Variants in NRG3 observed in about 807,000 individuals in gnomAD.
The protein encoded by NRG3 is pro-neuregulin-3, membrane-bound isoform.
NRG3 carries 31 observed loss-of-function variants against 66.9 expected under a neutral mutation model. The ratio of observed to expected loss-of-function variants is 0.46; its 90% CI spans 0.35 to 0.63. NRG3 has a LOEUF of 0.63. Ranked by LOEUF, NRG3 falls within the 20% of genes least tolerant of loss-of-function variation. The pLI is 0.00. For synonymous variants in NRG3, 393 were observed against 359.4 expected (o/e 1.09, Z -1.06); for missense variants, 910 against 878.9 (o/e 1.04, Z -0.45).
intron 1 of NRG3, among the ~76,000 whole-genome samples, chr10:82,254,505 T>G (rs1009418785): frequency 1.3e-5 from 2 of 152,302 alleles, no homozygotes; most frequent in African/African-American, 4.8e-5. Context: ...CAGAGCTTGG[T>G]TTGTAATACC....
chr10:82,091,389 T>C (rs2066019124), intron 1 of NRG3, among the ~76,000 whole-genome samples: 1 of 152,178 alleles, frequency 6.6e-6, no homozygotes, highest in South Asian at 2.1e-4. Flanking sequence ...TTTGCCTGTT[T>C]TAGGTAGCTC....
At chr10:82,129,816 C>T (rs1195480835) in intron 1 of NRG3, among the ~76,000 whole-genome samples, 1 of 152,142 alleles carries the variant, frequency 6.6e-6, no homozygotes, top group African/African-American at 2.4e-5. Context: ...CCACCTCTGC[C>T]TCCCAAAGTG....
intron 1 of NRG3, among the ~76,000 whole-genome samples, chr10:82,056,557 A>C (rs1000634967): frequency 3.3e-5 from 5 of 152,204 alleles, no homozygotes; most frequent in African/African-American, 1.2e-4. Flanking sequence ...TTTAAATCTG[A>C]GAATTTTGAC....
intron 1 of NRG3, among the ~76,000 whole-genome samples, chr10:82,188,710 C>T (rs1234737012): frequency 6.6e-6 from 1 of 152,062 alleles, no homozygotes; most frequent in African/African-American, 2.4e-5. Context: ...AGGTGCTCAA[C>T]ATCATTGATC....
intron 1 of NRG3, among the ~76,000 whole-genome samples, chr10:82,346,459 C>T (rs867045185): frequency 0.027 from 3,890 of 144,160 alleles, 90 homozygotes; most frequent in African/African-American, 0.063. Context: ...CTGCTGGATT[C>T]GGTTTGCCAG....
intron 2 of NRG3, among the ~76,000 whole-genome samples, chr10:82,490,294 C>T (rs1842988554): frequency 6.6e-6 from 1 of 152,078 alleles, no homozygotes; most frequent in Non-Finnish European, 1.5e-5. Flanking sequence ...GATTGCTTTT[C>T]CCCTCTCATG....
At chr10:82,840,351 T>G (rs1028463373) in intron 3 of NRG3, among the ~76,000 whole-genome samples, 7 of 152,150 alleles carry the variant, frequency 4.6e-5, no homozygotes, top group African/African-American at 1.7e-4. Flanking sequence ...ATCTTGATCC[T>G]TTTTCTCCTA....
chr10:82,542,892 ATCT>A (rs2043637504), intron 2 of NRG3, among the ~76,000 whole-genome samples: 3 of 133,572 alleles, frequency 2.2e-5, no homozygotes, highest in African/African-American at 9.7e-5. Flanking sequence ...CTTCATTTAG[ATCT>A]TTTTTTTTTT....
intron 1 of NRG3, among the ~76,000 whole-genome samples, chr10:81,992,186 TA>T (rs1199048172): frequency 1.3e-5 from 2 of 152,118 alleles, no homozygotes; most frequent in East Asian, 1.9e-4. Context: ...AATAATAGTT[TA>T]AAAAATAAAA....
At chr10:82,315,522 T>A (rs1244019591) in intron 1 of NRG3, among the ~76,000 whole-genome samples, 1 of 152,174 alleles carries the variant, frequency 6.6e-6, no homozygotes, top group Non-Finnish European at 1.5e-5. Context: ...CAGTGGCTGC[T>A]CCTGTGTGAA....
chr10:82,967,158 T>C (rs1851290601), intron 6 of NRG3, among the ~76,000 whole-genome samples: 2 of 148,752 alleles, frequency 1.3e-5, no homozygotes, highest in South Asian at 4.2e-4. Context: ...TATATGTATA[T>C]TTTTAAATAA....
In NRG3 at chr10:82,042,675, A is replaced by G. The variant is rs184610383; in HGVS notation, c.823+166512A>G. On this transcript the variant is annotated intron_variant, in intron 1 of 8. Transcript: ENST00000372141. ...GATGGTTCATTGTGGTTAAGACTTC[A>G]TTAGCATCAGTAATGTGTAGGAAAC... is the stretch of plus-strand genomic sequence containing the variant. Among the ~76,000 whole-genome samples the G allele has an allele frequency of 1.1e-4, 17 of 152,194 alleles. No individual in the cohort carries two copies. In the East Asian group the frequency reaches 3.1e-3, roughly 28 times the overall value.
chr10:82,225,520 G>GTT (rs1484963628), intron 1 of NRG3: 2 of 152,132 alleles, frequency 1.3e-5, no homozygotes, highest in African/African-American at 4.8e-5. Context: ...TGAAGGGCAT[G>GTT]TTACCCTACA....
At chr10:82,134,108 GTTGT>G (rs202229169) in intron 1 of NRG3, among the ~76,000 whole-genome samples, 6,635 of 152,076 alleles carry the variant, frequency 0.044, 203 homozygotes, top group South Asian at 0.14. Flanking sequence ...TTTTGATGGG[GTTGT>G]TTGTTTTTCT....
chr10:82,155,637 A>C (rs1178420340), intron 1 of NRG3, among the ~76,000 whole-genome samples: 4 of 151,806 alleles, frequency 2.6e-5, no homozygotes, highest in Non-Finnish European at 5.9e-5. Flanking sequence ...AGTGAAGCAC[A>C]TATAATCAAA....
intron 2 of NRG3, among the ~76,000 whole-genome samples, chr10:82,417,424 C>A (rs918038225): frequency 2.0e-5 from 3 of 152,178 alleles, no homozygotes; most frequent in Admixed American, 1.3e-4. Flanking sequence ...TTAGGCCCTG[C>A]AAGGCCAGTG....
intron 1 of NRG3, among the ~76,000 whole-genome samples, chr10:82,315,225 G>C (rs1337702348): frequency 1.3e-5 from 2 of 152,176 alleles, no homozygotes; most frequent in Non-Finnish European, 2.9e-5. Context: ...GTCTTTTAAA[G>C]TCAACACCTG....
Position 82,929,288 on chromosome 10 carries a change from T to C in NRG3, c.1055-22181T>C, listed in dbSNP as rs574531473. Among the ~76,000 whole-genome samples, 516 of 152,278 alleles carry C rather than the reference T, an allele frequency of 3.4e-3. 1 individual carries two copies. The highest frequency in any genetic ancestry group is 0.012 in the African/African-American group (492 of 41,548). The stretch of plus-strand genomic sequence containing the variant: ...GCTTTGACAACTGTCTTAACTCTGT[T>C]GTTCTCTCCTAAAATGAAGTTGTGC... On this transcript the variant is annotated intron_variant, in intron 4 of 8. Coordinates refer to ENST00000372141, the MANE Select transcript of NRG3 (RefSeq NM_001010848.4).
intron 2 of NRG3, among the ~76,000 whole-genome samples, chr10:82,559,591 C>T (rs1273490980): frequency 2.0e-5 from 3 of 152,192 alleles, no homozygotes; most frequent in Non-Finnish European, 4.4e-5. Flanking sequence ...TCCTGCAACC[C>T]AGAAGGACAG....
Sources: allele counts gnomAD v4.1 joint callset (sites outside exome capture counted in the v4.1 genomes callset), GRCh38; gene constraint gnomAD v4.1.1; transcripts MANE v1.5; gene names NCBI Gene and HGNC (gene_info 2026-07-23, HGNC 2026-07-21).